Variants in AKAP1 observed in about 807,000 individuals in gnomAD.
AKAP1 encodes A-kinase anchor protein 1, mitochondrial.
A neutral mutation model predicts 79.8 loss-of-function variants in AKAP1; 32 were observed. That is an observed-to-expected ratio of 0.40 (90% CI 0.30 to 0.54). The LOEUF is 0.54. Ranked by LOEUF, AKAP1 falls within the 20% of genes least tolerant of loss-of-function variation. The pLI is 0.47. For missense variants in AKAP1, 961 were observed against 1,138.9 expected (o/e 0.84, Z 2.25); for synonymous variants, 416 against 466.7 (o/e 0.89, Z 1.40).
chr17:57,100,428 A>AACACACACAC (rs71363890), intron 1 of AKAP1, among the ~76,000 whole-genome samples: 2,024 of 149,776 alleles, frequency 0.014, 43 homozygotes, highest in African/African-American at 0.041. Context: ...TCTCTGCTAA[A>AACACACACAC]ACACACACAC....
At chr17:57,115,518 C>T (rs1915527643) in intron 6 of AKAP1, among the ~76,000 whole-genome samples, 1 of 152,180 alleles carries the variant, frequency 6.6e-6, no homozygotes, top group Admixed American at 6.5e-5. Context: ...ACGTTTACCT[C>T]CTGGTCTCGT....
chr17:57,113,332 G>A (rs542259744), intron 5 of AKAP1, among the ~76,000 whole-genome samples: 1 of 152,052 alleles, frequency 6.6e-6, no homozygotes, highest in South Asian at 2.1e-4. Context: ...TGTTGACTAC[G>A]TTTTACACAG....
chr17:57,120,186 G>A (rs1732446935), intron 10 of AKAP1, 64 bp from the exon 11 acceptor site: 5 of 1,512,314 alleles, frequency 3.3e-6, no homozygotes, highest in Non-Finnish European at 4.5e-6. Flanking sequence ...GAGAACTCAT[G>A]TTGGCTAGGG....
rs1913469302 is a variant in AKAP1, at chr17:57,086,512, C to G, written c.-25+1114C>G. 1 of 449,580 alleles carries G rather than the reference C, an allele frequency of 2.2e-6. No homozygotes were observed. Among genetic ancestry groups the G allele is most frequent in the Non-Finnish European group, 4.5e-6 (1 of 224,270 alleles). 27.8% of individuals were successfully genotyped at this position (449,580 alleles called of 1,614,324 possible). On this transcript the variant is annotated intron_variant, in intron 1 of 10. Coordinates refer to ENST00000337714, the MANE Select transcript of AKAP1 (RefSeq NM_003488.4). This position sits in a 1 kb window ranked among gnomAD's most constrained non-coding sequence, Gnocchi z 5.1. ...GGCGGCGCCTTCCTGCCGCCGTTAACACAAACCCGGTGGACTTCGCTCCAG... is the reference window on the plus strand; with the variant it reads ...GGCGGCGCCTTCCTGCCGCCGTTAAGACAAACCCGGTGGACTTCGCTCCAG...
At chr17:57,102,509 A>G (rs1914581270) in intron 1 of AKAP1, among the ~76,000 whole-genome samples, 1 of 146,528 alleles carries the variant, frequency 6.8e-6, no homozygotes, top group South Asian at 2.2e-4. Flanking sequence ...TCTGTCACCC[A>G]GACTGGAGTG....
chr17:57,115,881 C>T (rs1236691900), intron 6 of AKAP1, among the ~76,000 whole-genome samples: 1 of 152,186 alleles, frequency 6.6e-6, no homozygotes, highest in Admixed American at 6.5e-5. Flanking sequence ...TCTGGATGGC[C>T]TCGGGGGCGG....
In AKAP1 at chr17:57,118,465, G is replaced by A. The variant is rs1380354748; in HGVS notation, c.2574+11G>A. The A allele has an allele frequency of 6.2e-7, 1 of 1,613,850 alleles. No individual in the cohort carries two copies. Among genetic ancestry groups the A allele is most frequent in the African/African-American group, 1.3e-5 (1 of 75,038 alleles). On this transcript the variant is annotated intron_variant, in intron 9 of 10. Coordinates refer to ENST00000337714, the MANE Select transcript of AKAP1 (RefSeq NM_003488.4). ...GCACTGCTTGCTCAGGTGTGTGGTT[G>A]GCAGGGGTGGGGGAGGCAGGCTGGC...
chr17:57,110,303 G>A, intron 3 of AKAP1, 145 bp downstream of exon 3: 1 of 1,132,542 alleles, frequency 8.8e-7, no homozygotes. Flanking sequence ...CGCAGGGAAA[G>A]GACACGCTAC....
At chr17:57,096,924 C>T (rs752173658) in intron 1 of AKAP1, among the ~76,000 whole-genome samples, 1 of 152,164 alleles carries the variant, frequency 6.6e-6, no homozygotes, top group Non-Finnish European at 1.5e-5. Context: ...ACACTGGTCA[C>T]ATTTCAAGTG....
intron 3 of AKAP1, among the ~76,000 whole-genome samples, chr17:57,110,375 A>G (rs1348253669): frequency 6.6e-6 from 1 of 152,196 alleles, no homozygotes; most frequent in Non-Finnish European, 1.5e-5. Context: ...CTCCAGGAGC[A>G]TCTTATTCTT....
At chr17:57,119,708 CTG>C (rs918112279) in intron 10 of AKAP1, among the ~76,000 whole-genome samples, 13 of 151,722 alleles carry the variant, frequency 8.6e-5, no homozygotes, top group African/African-American at 3.2e-4. Context: ...GAGCAAGACT[CTG>C]TCTCAAAAAA....
At chr17:57,091,392 G>T (rs1028805331) in intron 1 of AKAP1, among the ~76,000 whole-genome samples, 2 of 152,194 alleles carry the variant, frequency 1.3e-5, no homozygotes, top group Non-Finnish European at 2.9e-5. Context: ...TGCTGTCTCT[G>T]CTGCCACCGC....
At chr17:57,118,005 G>A (rs563026445) in intron 8 of AKAP1, among the ~76,000 whole-genome samples, 1 of 152,150 alleles carries the variant, frequency 6.6e-6, no homozygotes, top group South Asian at 2.1e-4. Flanking sequence ...CTCCTGTAAA[G>A]TGGGGATAGC....
Position 57,086,240 on chromosome 17 carries a change from G to A in AKAP1, c.-25+842G>A, listed in dbSNP as rs1242859378. ...CTGCGGCCCAGGGCCCGGGGTCTGC[G>A]ATCTGGAGGGACCGCGCCAGTTTTG... On this transcript the variant is annotated intron_variant, in intron 1 of 10. Transcript: ENST00000337714. The surrounding 1 kb of genome is among the most constrained non-coding windows in gnomAD (Gnocchi z 5.1). 4 of 338,824 alleles carry A rather than the reference G, an allele frequency of 1.2e-5. No individual in the cohort carries two copies. The highest frequency in any genetic ancestry group is 8.9e-5 in the African/African-American group (4 of 44,920). The allele number at this position is 338,824 out of a possible 1,614,324, so 21.0% of individuals were successfully genotyped here.
intron 7 of AKAP1, among the ~76,000 whole-genome samples, 170 bp downstream of exon 7, chr17:57,116,431 C>G (rs186114479): frequency 6.6e-6 from 1 of 152,138 alleles, no homozygotes; most frequent in Non-Finnish European, 1.5e-5. Context: ...ACTCGCTTAG[C>G]CAAACTGAGC....
At chr17:57,104,680 A>G (rs778750483) in intron 1 of AKAP1, among the ~76,000 whole-genome samples, 1 of 152,234 alleles carries the variant, frequency 6.6e-6, no homozygotes, top group Non-Finnish European at 1.5e-5. Context: ...ATTGCGAGAG[A>G]GTAGCGCATC....
chr17:57,099,031 C>T (rs1914313949), intron 1 of AKAP1, among the ~76,000 whole-genome samples: 1 of 151,866 alleles, frequency 6.6e-6, no homozygotes, highest in African/African-American at 2.4e-5. Context: ...TCCCAAAGTG[C>T]TGGGATTACA....
chr17:57,114,414 A>C, intron 5 of AKAP1, 45 bp from the exon 6 acceptor site: 1 of 1,602,402 alleles, frequency 6.2e-7, no homozygotes, highest in South Asian at 1.1e-5. Flanking sequence ...CAAAGATGAG[A>C]TAAGAAGGAT....
intron 1 of AKAP1, among the ~76,000 whole-genome samples, chr17:57,087,173 T>A (rs1166355953): frequency 6.6e-6 from 1 of 152,234 alleles, no homozygotes; most frequent in Non-Finnish European, 1.5e-5. Flanking sequence ...ATTACTGGAT[T>A]AATAGGCTCT....
Sources: allele counts gnomAD v4.1 joint callset (sites outside exome capture counted in the v4.1 genomes callset), GRCh38; gene constraint gnomAD v4.1.1; non-coding constraint Gnocchi (gnomAD v3.1); transcripts MANE v1.5; gene names NCBI Gene and HGNC (gene_info 2026-07-23, HGNC 2026-07-21).